TAAR2: variants seen among roughly 807,000 people sequenced by gnomAD.
TAAR2 encodes the protein trace amine-associated receptor 2.
Under a neutral mutation model 25.5 loss-of-function variants are expected in TAAR2, and 30 were observed. The observed-to-expected ratio is 1.18, with a 90% CI of 0.88 to 1.60. The LOEUF is 1.60. Ranked by LOEUF, TAAR2 falls within the 40% of genes most tolerant of loss-of-function variation. The probability of loss-of-function intolerance (pLI) is 0.00; values close to 1 mark genes in which losing one functional copy is unlikely to be tolerated. For missense variants in TAAR2, 481 were observed against 416.5 expected (o/e 1.15, Z -1.35); for synonymous variants, 150 against 142.4 (o/e 1.05, Z -0.38).
intron 1 of TAAR2, among the ~76,000 whole-genome samples, 186 bp from the exon 2 acceptor site, chr6:132,618,331 AC>A (rs1777329280): frequency 6.6e-6 from 1 of 152,092 alleles, no homozygotes; most frequent in South Asian, 2.1e-4. Context: ...TAGAATTGTA[AC>A]CTAATTGGCT....
rs756973965 is a variant in TAAR2, at chr6:132,617,725, T to C, written c.481A>G (p.Lys161Glu). Residue 161 changes from lysine (K) to glutamate (E), a missense_variant, in exon 2 of 2, where the codon AAA becomes GAA. Transcript: ENST00000367931. ...YSTKITIPVI[K>E]RLLLLCWSVP... is the part of the protein sequence containing the mutation. ...GACCAACATAGAAGTAGCAATCTTT[T>C]AATGACTGGAATAGTTATTTTGGTG... 6.2e-6 allele frequency: 10 copies of C among 1,614,028 alleles called. No homozygotes were observed. Among genetic ancestry groups the C allele is most frequent in the Non-Finnish European group, 8.5e-6 (10 of 1,180,000 alleles).
In TAAR2 at chr6:132,617,646, C is replaced by T; in HGVS notation, c.560G>A (p.Gly187Glu). ...GVVFSEAYAD[G>E]IEGYDILVAC... ...AACCAAGATGTCATAGCCCTCTATT[C>T]CATCTGCATAGGCCTCTGAGAAGAC... is the stretch of plus-strand genomic sequence containing the variant. The change falls in exon 2 of 2, where the codon GGA becomes GAA. Residue 187 changes from glycine to glutamate, a missense_variant. By Grantham distance (98) the Gly-to-Glu change is moderately conservative. Coordinates refer to ENST00000367931, the MANE Select transcript of TAAR2 (RefSeq NM_001033080.1). 2 of 1,613,942 alleles carry T rather than the reference C, an allele frequency of 1.2e-6. No individual in the cohort carries two copies. Among genetic ancestry groups the T allele is most frequent in the African/African-American group, 2.7e-5 (2 of 75,032 alleles).
chr6:132,617,944 T>C lies in TAAR2; in HGVS notation c.262A>G (p.Thr88Ala), dbSNP rs1777321723. The change falls in exon 2 of 2, where the codon ACT becomes GCT. Residue 88 changes from threonine (T) to alanine (A), a missense_variant. By Grantham distance (58) the Thr-to-Ala change is moderately conservative. Transcript: ENST00000367931. ...TNFLILSMAI[T>A]DFLLGFTIMP... is the part of the protein sequence containing the mutation. ...ATGGTGAATCCCAGGAGGAAATCAGTGATGGCCATGGAGAGGATGAGGAAG... is the reference window on the plus strand; with the variant it reads ...ATGGTGAATCCCAGGAGGAAATCAGCGATGGCCATGGAGAGGATGAGGAAG... 2 of 1,613,962 alleles carry C rather than the reference T, an allele frequency of 1.2e-6. No individual in the cohort carries two copies. Among genetic ancestry groups the C allele is most frequent in the Non-Finnish European group, 1.7e-6 (2 of 1,179,940 alleles).
In TAAR2 at chr6:132,618,108, C is replaced by A. The variant is rs757927960; in HGVS notation, c.98G>T (p.Cys33Phe). The A allele has an allele frequency of 6.2e-6, 10 of 1,610,286 alleles. No homozygotes were observed. The highest frequency in any genetic ancestry group is 5.9e-6 in the Non-Finnish European group (7 of 1,178,304). Residue 33 changes from cysteine (C) to phenylalanine (F), a missense_variant, in exon 2 of 2, where the codon TGC becomes TTC. Coordinates refer to ENST00000367931, the MANE Select transcript of TAAR2 (RefSeq NM_001033080.1). ...ACCCAGAGATCTTTCATTTTCTGGG[C>A]AAGATCTATTTCCATATTCAGAGCA... ...FNCSEYGNRS[C>F]PENERSLGVR... is the part of the protein sequence containing the mutation.
intron 1 of TAAR2, among the ~76,000 whole-genome samples, chr6:132,622,498 T>TTTTTTTTTTTTTTC: frequency 7.2e-6 from 1 of 139,734 alleles, no homozygotes; most frequent in Non-Finnish European, 1.6e-5. Flanking sequence ...TTTTTTTTTT[T>TTTTTTTTTTTTTTC]TTTTTGAGGC....
At chr6:132,619,349 G>A (rs1453688924) in intron 1 of TAAR2, among the ~76,000 whole-genome samples, 2 of 152,146 alleles carry the variant, frequency 1.3e-5, no homozygotes, top group East Asian at 1.9e-4. Context: ...ACGTTCATGA[G>A]TTAGAATGAT....
At chr6:132,620,915 G>GGA (rs1777363359) in intron 1 of TAAR2, among the ~76,000 whole-genome samples, 1 of 151,286 alleles carries the variant, frequency 6.6e-6, no homozygotes, top group African/African-American at 2.4e-5. Flanking sequence ...AAAAAGAAGA[G>GGA]AAGCGAGAGA....
intron 1 of TAAR2, among the ~76,000 whole-genome samples, chr6:132,620,122 T>C (rs541886417): frequency 1.3e-5 from 2 of 152,268 alleles, no homozygotes; most frequent in South Asian, 4.1e-4. Context: ...TTAAAGTAAT[T>C]AAGTTAGTTA....
At chr6:132,619,704 G>A (rs1424557286) in intron 1 of TAAR2, among the ~76,000 whole-genome samples, 2 of 152,072 alleles carry the variant, frequency 1.3e-5, no homozygotes, top group East Asian at 3.9e-4. Context: ...AAGCAACAGC[G>A]GCGATCACCT....
rs180693260 is a variant in TAAR2 at position 132,622,542 on chromosome 6, A to G, written c.60+1674T>C. Among the ~76,000 whole-genome samples the G allele has an allele frequency of 3.6e-3, 455 of 127,134 alleles. 1 individual carries two copies. Among genetic ancestry groups the G allele is most frequent in the African/African-American group, 0.012 (415 of 33,314 alleles). The allele number at this position is 127,134 out of a possible 152,430, so 83.4% of individuals were successfully genotyped here. The stretch of plus-strand genomic sequence containing the variant: ...CCTCTGTAGCCCAGGCTAGAGTGCA[A>G]TGGTGCAATCTCGGCTCACTGCAAC... On this transcript the variant is annotated intron_variant, in intron 1 of 1. Coordinates refer to ENST00000367931, the MANE Select transcript of TAAR2 (RefSeq NM_001033080.1).
At chr6:132,620,818 C>G (rs113266889) in intron 1 of TAAR2, among the ~76,000 whole-genome samples, 1 of 130,534 alleles carries the variant, frequency 7.7e-6, no homozygotes, top group African/African-American at 3.0e-5. Flanking sequence ...TTAAAAAACA[C>G]ACATTAAAAA....
intron 1 of TAAR2, among the ~76,000 whole-genome samples, chr6:132,620,119 A>C (rs1416965961): frequency 6.6e-6 from 1 of 152,172 alleles, no homozygotes; most frequent in Non-Finnish European, 1.5e-5. Flanking sequence ...AAATTAAAGT[A>C]ATTAAGTTAG....
Position 132,617,877 on chromosome 6 carries a change from T to C in TAAR2, c.329A>G (p.Tyr110Cys). Residue 110 changes from tyrosine (Y) to cysteine (C), a missense_variant, in exon 2 of 2, where the codon TAT becomes TGT. By Grantham distance (194) the Tyr-to-Cys change is radical. Transcript: ENST00000367931. ...AATCTTGCAAAATGTAAGCCCAAAA[T>C]ACCAGCAGTTCTCCACCGATCTGAT... Reference protein sequence around the residue: ...SMIRSVENCWYFGLTFCKIYY... With the variant: ...SMIRSVENCWCFGLTFCKIYY... 1.9e-6 allele frequency: 3 copies of C among 1,613,978 alleles called. No homozygotes were observed. The highest frequency in any genetic ancestry group is 2.5e-6 in the Non-Finnish European group (3 of 1,179,962).
intron 1 of TAAR2, among the ~76,000 whole-genome samples, chr6:132,618,832 T>C (rs1394650678): frequency 6.6e-6 from 1 of 152,176 alleles, no homozygotes; most frequent in Non-Finnish European, 1.5e-5. Context: ...GAGTCAGAAA[T>C]ATATAATCAG....
intron 1 of TAAR2, 47 bp from the exon 2 acceptor site, chr6:132,618,192 C>A: frequency 6.7e-7 from 1 of 1,490,228 alleles, no homozygotes; most frequent in African/African-American, 1.4e-5. Context: ...TATAAATATT[C>A]TATGTTTTAT....
At chr6:132,621,678 G>C (rs1285494543) in intron 1 of TAAR2, among the ~76,000 whole-genome samples, 1 of 152,122 alleles carries the variant, frequency 6.6e-6, no homozygotes, top group African/African-American at 2.4e-5. Flanking sequence ...TACAGGGCTT[G>C]ACTAATTTTC....
At chr6:132,621,794 G>C (rs1777378709) in intron 1 of TAAR2, among the ~76,000 whole-genome samples, 1 of 152,006 alleles carries the variant, frequency 6.6e-6, no homozygotes, top group Non-Finnish European at 1.5e-5. Flanking sequence ...TCATACACAT[G>C]CCACAAAGTA....
intron 1 of TAAR2, among the ~76,000 whole-genome samples, chr6:132,618,537 G>A (rs1006585674): frequency 6.6e-6 from 1 of 152,090 alleles, no homozygotes; most frequent in African/African-American, 2.4e-5. Flanking sequence ...CTACTCGGGA[G>A]GCTGAGGCAG....
chr6:132,619,154 C>T (rs4451148), intron 1 of TAAR2, among the ~76,000 whole-genome samples: 37,183 of 152,074 alleles, frequency 0.24, 5,514 homozygotes, highest in East Asian at 0.59. Flanking sequence ...GCAATGACAG[C>T]TTGACAAGTT....
Sources: gnomAD v4.1 joint callset for allele counts (sites outside exome capture counted in the v4.1 genomes callset) on GRCh38, gnomAD v4.1.1 for gene constraint, MANE v1.5 for transcripts, NCBI Gene and HGNC (gene_info 2026-07-23, HGNC 2026-07-21) for gene names.